Variants in PPP2R2B observed in about 807,000 individuals in gnomAD.
PPP2R2B encodes serine/threonine-protein phosphatase 2A 55 kDa regulatory subunit B beta isoform.
PPP2R2B carries 5 observed loss-of-function variants against 46.0 expected under a neutral mutation model. The ratio of observed to expected loss-of-function variants is 0.11; its 90% confidence interval spans 0.06 to 0.23. The LOEUF (loss-of-function observed/expected upper bound fraction) is 0.23. Among genes scored for constraint, PPP2R2B ranks in the 10% least tolerant of loss-of-function variants. The pLI is 1.00. For synonymous variants in PPP2R2B, 215 were observed against 206.7 expected, an observed-to-expected ratio of 1.04 and a Z score of -0.34; for missense variants, 367 against 575.0, an observed-to-expected ratio of 0.64 and a Z score of 3.70.
At chr5:147,077,987 A>G (rs1221291015) in intron 2 of PPP2R2B, among the ~76,000 whole-genome samples, 1 of 152,230 alleles carries the variant, frequency 6.6e-6, no homozygotes, top group Non-Finnish European at 1.5e-5. Flanking sequence ...TATTTTCAAA[A>G]CAATGTTTAA....
intron 1 of PPP2R2B, among the ~76,000 whole-genome samples, chr5:146,924,701 A>G (rs1763722897): frequency 6.6e-6 from 1 of 152,116 alleles, no homozygotes; most frequent in African/African-American, 2.4e-5. Flanking sequence ...TGAATAAGGG[A>G]CCATAACTTT....
intron 5 of PPP2R2B, among the ~76,000 whole-genome samples, chr5:146,666,243 A>G (rs1398282163): frequency 6.6e-6 from 1 of 152,218 alleles, no homozygotes; most frequent in East Asian, 1.9e-4. Context: ...AAACAAAGTC[A>G]TATCTGTTCA....
chr5:146,621,299 A>G (rs1257544306), intron 7 of PPP2R2B, among the ~76,000 whole-genome samples: 2 of 152,246 alleles, frequency 1.3e-5, no homozygotes, highest in Non-Finnish European at 2.9e-5. Context: ...GCACTGCGCT[A>G]AACTCTTTAT....
chr5:146,750,371 T>C (rs1172407940), intron 2 of PPP2R2B, among the ~76,000 whole-genome samples: 1 of 152,232 alleles, frequency 6.6e-6, no homozygotes, highest in African/African-American at 2.4e-5. Flanking sequence ...ATTAAACCTA[T>C]ATATCAATTT....
At chr5:146,951,986 T>C (rs894561035) in intron 1 of PPP2R2B, among the ~76,000 whole-genome samples, 1 of 151,276 alleles carries the variant, frequency 6.6e-6, no homozygotes, top group African/African-American at 2.4e-5. Flanking sequence ...TTTTTTTTTT[T>C]TTTTTTTAAA....
chr5:146,703,854 T>G (rs1373109822), intron 2 of PPP2R2B, among the ~76,000 whole-genome samples: 1 of 152,222 alleles, frequency 6.6e-6, no homozygotes, highest in Non-Finnish European at 1.5e-5. Context: ...TTTGCAATGC[T>G]ATGTCTCCCT....
At chr5:146,787,139 A>G (rs891432703) in intron 2 of PPP2R2B, among the ~76,000 whole-genome samples, 10 of 152,164 alleles carry the variant, frequency 6.6e-5, no homozygotes, top group African/African-American at 2.4e-4. Flanking sequence ...CAACTGCCCT[A>G]TTATTTTCCT....
At chr5:146,902,094 G>C (rs908143692) in intron 1 of PPP2R2B, among the ~76,000 whole-genome samples, 16 of 152,128 alleles carry the variant, frequency 1.1e-4, no homozygotes, top group African/African-American at 3.9e-4. Flanking sequence ...CTTACCTAAA[G>C]ACCTCACCAT....
At chr5:146,631,435 T>C (rs1388608218) in intron 7 of PPP2R2B, among the ~76,000 whole-genome samples, 1 of 152,216 alleles carries the variant, frequency 6.6e-6, no homozygotes, top group Admixed American at 6.5e-5. Flanking sequence ...CATGCTGCTT[T>C]AACATTCATA....
intron 2 of PPP2R2B, among the ~76,000 whole-genome samples, chr5:146,842,088 T>C (rs981183223): frequency 2.0e-5 from 3 of 152,128 alleles, no homozygotes; most frequent in Non-Finnish European, 4.4e-5. Context: ...CACATTCCAT[T>C]CTTGGCATGG....
intron 2 of PPP2R2B, among the ~76,000 whole-genome samples, chr5:146,834,164 A>T (rs1019320576): frequency 1.3e-5 from 2 of 152,232 alleles, no homozygotes; most frequent in Non-Finnish European, 2.9e-5. Flanking sequence ...AAATAGTAAC[A>T]TGTATTGAGG....
At chr5:146,985,304 C>A (rs1318195395) in intron 1 of PPP2R2B, among the ~76,000 whole-genome samples, 1 of 152,144 alleles carries the variant, frequency 6.6e-6, no homozygotes. Context: ...CAGGCGTGAG[C>A]CACTGCACCT....
intron 2 of PPP2R2B, among the ~76,000 whole-genome samples, chr5:146,840,876 G>A (rs908504780): frequency 6.6e-6 from 1 of 152,142 alleles, no homozygotes; most frequent in African/African-American, 2.4e-5. Context: ...AAACAAACAC[G>A]TCCTTAATCT....
chr5:146,957,167 C>T (rs1397188311), intron 1 of PPP2R2B, among the ~76,000 whole-genome samples: 1 of 152,186 alleles, frequency 6.6e-6, no homozygotes, highest in African/African-American at 2.4e-5. Context: ...GTGTTGCCAT[C>T]TGGAGCTGTG....
chr5:146,771,689 T>G (rs1174281990), intron 2 of PPP2R2B, among the ~76,000 whole-genome samples: 1 of 152,208 alleles, frequency 6.6e-6, no homozygotes, highest in Non-Finnish European at 1.5e-5. Flanking sequence ...TAGCTTCTCT[T>G]GCTATGACAG....
intron 1 of PPP2R2B, among the ~76,000 whole-genome samples, chr5:146,950,247 T>A (rs1267533126): frequency 6.6e-6 from 1 of 152,026 alleles, no homozygotes; most frequent in East Asian, 1.9e-4. Flanking sequence ...TATATATACC[T>A]ACATTTTACC....
At chr5:146,911,930 T>C (rs1376782101) in intron 1 of PPP2R2B, among the ~76,000 whole-genome samples, 1 of 152,064 alleles carries the variant, frequency 6.6e-6, no homozygotes, top group Non-Finnish European at 1.5e-5. Context: ...TAAGAAAGTG[T>C]AGAGTGTATA....
rs566931836 is a variant in PPP2R2B at position 147,053,233 on chromosome 5, C to T, written c.79+2432G>A. Among the ~76,000 whole-genome samples, 14 of 148,324 alleles carry T rather than the reference C, an allele frequency of 9.4e-5. No homozygotes were observed. The East Asian group carries it at 1.6e-3, about 17-fold the overall frequency. On this transcript the variant is annotated intron_variant, in intron 1 of 8. Coordinates refer to the PPP2R2B transcript ENST00000336640. ...CTGCATTAAAAAAAAAAAACACACG[C>T]GCACACAAAAAAAGCAAACAAAACA...
intron 6 of PPP2R2B, among the ~76,000 whole-genome samples, chr5:146,647,072 A>T (rs532628672): frequency 6.6e-6 from 1 of 152,306 alleles, no homozygotes; most frequent in East Asian, 1.9e-4. Flanking sequence ...TGCCAGTCAC[A>T]GGAAGTCATG....
Sources: gnomAD v4.1 joint callset for allele counts (sites outside exome capture counted in the v4.1 genomes callset) on GRCh38, gnomAD v4.1.1 for gene constraint, MANE v1.5 for transcripts, NCBI Gene and HGNC (gene_info 2026-07-23, HGNC 2026-07-21) for gene names.